Variants in CNOT4 observed in about 807,000 individuals in gnomAD.
CNOT4 encodes CCR4-NOT transcription complex subunit 4, also known as CCR4-associated factor 4.
In CNOT4, 8 loss-of-function variants were observed where a neutral mutation model predicts 73.8. The ratio of observed to expected loss-of-function variants is 0.11; its 90% CI spans 0.06 to 0.20. The LOEUF (loss-of-function observed/expected upper bound fraction) is 0.20. CNOT4 is among the 10% of genes least tolerant of loss of function. The pLI is 1.00. For missense variants in CNOT4, 564 were observed against 883.4 expected, an observed-to-expected ratio of 0.64 and a Z score of 4.58; for synonymous variants, 293 against 321.1, an observed-to-expected ratio of 0.91 and a Z score of 0.94.
chr7:135,412,594 A>T (rs928546395), intron 6 of CNOT4, among the ~76,000 whole-genome samples: 2 of 151,946 alleles, frequency 1.3e-5, no homozygotes, highest in African/African-American at 4.8e-5. Flanking sequence ...ACTCTGATGT[A>T]TTTATTATAA....
At chr7:135,481,236 T>TA (rs966534431) in intron 1 of CNOT4, among the ~76,000 whole-genome samples, 8 of 151,392 alleles carry the variant, frequency 5.3e-5, no homozygotes, top group Admixed American at 6.6e-5. Flanking sequence ...CTCAAACCAT[T>TA]AAAAAAAACA....
intron 1 of CNOT4, among the ~76,000 whole-genome samples, chr7:135,450,239 A>G (rs1800077969): frequency 6.6e-6 from 1 of 152,168 alleles, no homozygotes; most frequent in Non-Finnish European, 1.5e-5. Context: ...ATTTACCACT[A>G]AAAGACCTCC....
intron 10 of CNOT4, among the ~76,000 whole-genome samples, chr7:135,372,844 C>T (rs191164269): frequency 0.016 from 2,379 of 152,198 alleles, 28 homozygotes; most frequent in Non-Finnish European, 0.023. Flanking sequence ...CGTGAGCCAC[C>T]GCACCCAGCC....
chr7:135,468,645 C>T (rs892104376), intron 1 of CNOT4, among the ~76,000 whole-genome samples: 2 of 148,298 alleles, frequency 1.3e-5, no homozygotes, highest in Non-Finnish European at 3.0e-5. Context: ...CATGCCACTG[C>T]ACTCCACTCT....
At chr7:135,379,739 C>A (rs1206988299) in intron 10 of CNOT4, among the ~76,000 whole-genome samples, 3 of 152,034 alleles carry the variant, frequency 2.0e-5, no homozygotes, top group Non-Finnish European at 4.4e-5. Context: ...GAAGTCATAA[C>A]CCAGGCAATC....
chr7:135,388,503 T>C (rs1286585935), intron 10 of CNOT4: 2 of 1,016,464 alleles, frequency 2.0e-6, no homozygotes, highest in Non-Finnish European at 2.4e-6. Flanking sequence ...ACAACAATTC[T>C]AGCTAATCTC....
chr7:135,389,832 T>C (rs1796311930), intron 10 of CNOT4, among the ~76,000 whole-genome samples: 1 of 152,138 alleles, frequency 6.6e-6, no homozygotes. Context: ...AAAACAAATC[T>C]GCAAAATTAC....
At chr7:135,485,749 A>G (rs376685010) in intron 1 of CNOT4, among the ~76,000 whole-genome samples, 2 of 152,332 alleles carry the variant, frequency 1.3e-5, no homozygotes, top group African/African-American at 4.8e-5. Context: ...AGAGTTATCA[A>G]CCTAAACCAC....
At chr7:135,408,328 G>A (rs1797407585) in intron 7 of CNOT4, among the ~76,000 whole-genome samples, 1 of 152,166 alleles carries the variant, frequency 6.6e-6, no homozygotes, top group Admixed American at 6.5e-5. Flanking sequence ...TTATGTTTTA[G>A]TGACATGGGG....
rs372647687 is a variant in CNOT4, at chr7:135,457,012, C to A, written c.-92-18589G>T. 1.6e-4 allele frequency among the ~76,000 whole-genome samples: 25 copies of A among 152,178 alleles called. 1 individual carries two copies. The highest frequency in any genetic ancestry group is 6.0e-4 in the African/African-American group (25 of 41,558). ...ACTATAACTACTAATTCAGCAAGAT[C>A]ACTGGCTATAAAACCAATATATAAA... On this transcript the variant is annotated intron_variant, in intron 1 of 11. Coordinates refer to ENST00000541284, the MANE Select transcript of CNOT4 (RefSeq NM_001190850.2).
chr7:135,445,551 T>C (rs1214423862), intron 1 of CNOT4, among the ~76,000 whole-genome samples: 1 of 152,198 alleles, frequency 6.6e-6, no homozygotes, highest in Non-Finnish European at 1.5e-5. Flanking sequence ...TTTCCCCTTG[T>C]AGACGTATCA....
intron 2 of CNOT4, among the ~76,000 whole-genome samples, chr7:135,427,959 C>T (rs1798598966): frequency 6.6e-6 from 1 of 152,128 alleles, no homozygotes; most frequent in Non-Finnish European, 1.5e-5. Flanking sequence ...AAGATAGGTT[C>T]CATGATAAGC....
At chr7:135,493,409 T>C (rs1478075877) in intron 1 of CNOT4, among the ~76,000 whole-genome samples, 5 of 152,140 alleles carry the variant, frequency 3.3e-5, no homozygotes, top group Non-Finnish European at 5.9e-5. Flanking sequence ...AAATATTTAA[T>C]TGCCAATGTA....
chr7:135,366,628 C>G (rs973641859), intron 10 of CNOT4, among the ~76,000 whole-genome samples: 1 of 152,192 alleles, frequency 6.6e-6, no homozygotes, highest in Non-Finnish European at 1.5e-5. Context: ...CCCAAAAAAT[C>G]ATGTGCCTTG....
rs779961694 is a variant in CNOT4 at position 135,362,664 on chromosome 7, G to A, written c.*221C>T. ...AAGGCATTTTTAGAAACATTCAACA[G>A]TGTCACTCAAATGCTGGATCAACAA... On this transcript the variant is annotated 3_prime_UTR_variant, in exon 12 of 12. Transcript: ENST00000541284. 3 of 676,706 alleles carry A rather than the reference G, an allele frequency of 4.4e-6. No homozygotes were observed. The highest frequency in any genetic ancestry group is 3.6e-5 in the African/African-American group (2 of 55,920). 41.9% of individuals were successfully genotyped at this position (676,706 alleles called of 1,614,324 possible).
chr7:135,436,193 AT>A (rs1032294643), intron 2 of CNOT4, among the ~76,000 whole-genome samples: 57 of 150,324 alleles, frequency 3.8e-4, no homozygotes, highest in African/African-American at 1.3e-3. Flanking sequence ...AAAATCTTCT[AT>A]TTTTTTTTCT....
intron 2 of CNOT4, among the ~76,000 whole-genome samples, chr7:135,434,779 C>T (rs186914290): frequency 1.3e-5 from 2 of 152,280 alleles, no homozygotes; most frequent in African/African-American, 4.8e-5. Flanking sequence ...TCATACTTAA[C>T]ATGTCTAAAA....
chr7:135,454,246 G>A (rs1800381884), intron 1 of CNOT4, among the ~76,000 whole-genome samples: 1 of 151,824 alleles, frequency 6.6e-6, no homozygotes, highest in Non-Finnish European at 1.5e-5. Flanking sequence ...GTAAAGTCAA[G>A]AGTCCTCTGG....
intron 2 of CNOT4, among the ~76,000 whole-genome samples, chr7:135,426,313 A>G (rs943533098): frequency 5.3e-5 from 8 of 150,496 alleles, no homozygotes; most frequent in Non-Finnish European, 1.0e-4. Context: ...TATAAAGAAA[A>G]ATACAAAGGC....
Sources: allele counts gnomAD v4.1 joint callset (sites outside exome capture counted in the v4.1 genomes callset), GRCh38; gene constraint gnomAD v4.1.1; transcripts MANE v1.5; gene names NCBI Gene and HGNC (gene_info 2026-07-23, HGNC 2026-07-21).